MRNIP: variants seen among roughly 807,000 people sequenced by gnomAD.
MRNIP encodes the protein MRN complex-interacting protein.
Under a neutral mutation model 29.8 loss-of-function variants are expected in MRNIP, and 30 were observed. The ratio of observed to expected loss-of-function variants is 1.01; its 90% CI spans 0.75 to 1.36. MRNIP has a LOEUF of 1.36. MRNIP is among the 40% of genes most tolerant of loss of function. The pLI, the probability that MRNIP is intolerant of heterozygous loss-of-function variation, is 0.00. For synonymous variants in MRNIP, 201 were observed against 164.1 expected (o/e 1.23, Z -1.72); for missense variants, 459 against 423.5 (o/e 1.08, Z -0.74).
chr5:179,856,097 G>A (rs148664633), intron 1 of MRNIP, among the ~76,000 whole-genome samples: 69 of 151,780 alleles, frequency 4.5e-4, no homozygotes, highest in African/African-American at 1.5e-3. Flanking sequence ...TAGTAGAGAC[G>A]GGGTTTCACA....
At chr5:179,858,077 T>C (rs780863349) in intron 1 of MRNIP, among the ~76,000 whole-genome samples, 2 of 149,062 alleles carry the variant, frequency 1.3e-5, no homozygotes, top group Non-Finnish European at 3.0e-5. Flanking sequence ...AGATTACCAA[T>C]AATTAGGAGG....
rs185225394 is a variant in MRNIP at position 179,847,600 on chromosome 5, T to C, written c.215+378A>G. ...GTGGAAGTCTAAGGGACTTCTCCAC[T>C]GACCCAGGCCCAGTGGGGTCTGTCC... On this transcript the variant is annotated intron_variant, in intron 3 of 6. Transcript: ENST00000292586. The C allele has an allele frequency of 5.4e-4, 94 of 173,462 alleles. No homozygotes were observed. In the East Asian group the frequency reaches 9.9e-3, roughly 18 times the overall value. 10.7% of individuals were successfully genotyped at this position (173,462 alleles called of 1,614,324 possible). A position where few individuals can be genotyped will look rare whatever the true frequency, so the allele number is the denominator to read the frequency against.
chr5:179,843,059 A>AAGGAAGGGAGGGAGGGAGGGAGGG (rs1230506135), intron 4 of MRNIP, among the ~76,000 whole-genome samples: 3 of 119,892 alleles, frequency 2.5e-5, no homozygotes, highest in Non-Finnish European at 3.5e-5. Context: ...GGAAGGAAGG[A>AAGGAAGGGAGGGAGGGAGGGAGGG]AGGGAGGGAG....
In MRNIP at chr5:179,840,464, G is replaced by C. The variant is rs184642707; in HGVS notation, c.537+408C>G. On this transcript the variant is annotated intron_variant, in intron 6 of 6. Coordinates refer to ENST00000292586, the MANE Select transcript of MRNIP (RefSeq NM_016175.4). Reference sequence around the variant, plus strand: ...TAAGTGAAGAGTGCCTCACATACAAGAGTCCACAGCAGGGCAAATGCGAGT... The same window carrying C: ...TAAGTGAAGAGTGCCTCACATACAACAGTCCACAGCAGGGCAAATGCGAGT... 2.2e-4 allele frequency: 65 copies of C among 288,960 alleles called. 1 individual carries two copies. In the East Asian group the frequency reaches 4.3e-3, roughly 19 times the overall value. The allele number at this position is 288,960 out of a possible 1,614,324, so 17.9% of individuals were successfully genotyped here. A position where few individuals can be genotyped will look rare whatever the true frequency, so the allele number is the denominator to read the frequency against.
chr5:179,850,842 CT>C (rs1759337818), intron 2 of MRNIP, among the ~76,000 whole-genome samples: 1 of 152,178 alleles, frequency 6.6e-6, no homozygotes, highest in African/African-American at 2.4e-5. Context: ...GGCACTGTCA[CT>C]TGCTTCCCAG....
intron 2 of MRNIP, 200 bp downstream of exon 2, chr5:179,853,178 A>G (rs1422033912): frequency 6.7e-7 from 1 of 1,489,820 alleles, no homozygotes; most frequent in South Asian, 1.2e-5. Flanking sequence ...TTGCTGAATG[A>G]AGAATCAAAT....
rs957475101 is a variant in MRNIP, at chr5:179,844,043, C to T, written c.291+109G>A. On this transcript the variant is annotated intron_variant, in intron 4 of 6. Transcript: ENST00000292586. ...CTGCAGCTTTAAGCCAACTGCCTGT[C>T]ATTGGGTGGCATCAACACACATTTG... 7 of 870,278 alleles carry T rather than the reference C, an allele frequency of 8.0e-6. No homozygotes were observed. The African/African-American group carries it at 1.0e-4, about 13-fold the overall frequency. 53.9% of individuals were successfully genotyped at this position (870,278 alleles called of 1,614,324 possible).
At chr5:179,838,654 C>G (rs1254618662) in intron 6 of MRNIP, 1 of 151,658 alleles carries the variant, frequency 6.6e-6, no homozygotes, top group Non-Finnish European at 1.5e-5. Flanking sequence ...CCAGCCTAGG[C>G]AACAGAGCGA....
chr5:179,847,914 C>T, intron 3 of MRNIP, 64 bp downstream of exon 3: 1 of 1,102,044 alleles, frequency 9.1e-7, no homozygotes, highest in Non-Finnish European at 1.4e-6. Flanking sequence ...CCACTGTGTA[C>T]TTCTATTATC....
intron 6 of MRNIP, chr5:179,840,484 G>A: frequency 2.7e-6 from 1 of 364,128 alleles, no homozygotes; most frequent in Non-Finnish European, 5.0e-6. Context: ...CAGGGCAAAT[G>A]CGAGTGTGGA....
chr5:179,844,265 A>G, intron 3 of MRNIP, 38 bp from the exon 4 acceptor site: 1 of 1,567,374 alleles, frequency 6.4e-7, no homozygotes, highest in Non-Finnish European at 8.8e-7. Context: ...TTGAAAAATG[A>G]CCAGGGGCTG....
At chr5:179,854,019 AT>A (rs543395166) in intron 1 of MRNIP, among the ~76,000 whole-genome samples, 47,763 of 121,208 alleles carry the variant, frequency 0.39, 10,288 homozygotes, top group African/African-American at 0.66. Flanking sequence ...GCCTGAAATA[AT>A]TTTTTTTTTT....
chr5:179,842,753 C>T (rs1309745998), intron 4 of MRNIP, among the ~76,000 whole-genome samples: 2 of 142,796 alleles, frequency 1.4e-5, no homozygotes, highest in Non-Finnish European at 3.0e-5. Flanking sequence ...GGAAACATGG[C>T]CAGGCGCGGT....
chr5:179,857,662 GC>G, intron 1 of MRNIP, among the ~76,000 whole-genome samples: 1 of 152,254 alleles, frequency 6.6e-6, no homozygotes, highest in East Asian at 1.9e-4. Context: ...AGCATTAAAT[GC>G]AAGCTTACAG....
At chr5:179,846,279 ATTCT>A (rs1759124855) in intron 3 of MRNIP, 1 of 149,098 alleles carries the variant, frequency 6.7e-6, no homozygotes, top group African/African-American at 2.5e-5. Flanking sequence ...TTCTTTGGGG[ATTCT>A]TTTTTTCTTT....
At chr5:179,841,099 A>G (rs1758865406) in intron 5 of MRNIP, 140 bp from the exon 6 acceptor site, 1 of 613,430 alleles carries the variant, frequency 1.6e-6, no homozygotes, top group Non-Finnish European at 2.9e-6. Flanking sequence ...CAGGGTGTCC[A>G]GCCACCGCCC....
In MRNIP at chr5:179,837,641, TG is replaced by T; in HGVS notation, c.781del (p.Gln261ArgfsTer74). 6.2e-7 allele frequency: 1 copy of T among 1,614,216 alleles called. No homozygotes were observed. The highest frequency in any genetic ancestry group is 8.5e-7 in the Non-Finnish European group (1 of 1,180,038). ...QRDPRPAGPAQAKQGTPRAQA... is the reference protein window; with the variant it reads ...QRDPRPAGPAXAKQGTPRAQA... ...TGCTCTGGGGGTCCCTTGCTTAGCC[TG>T]TGCTGGACCAGCTGGCCTGGGGTCC... On this transcript the variant is annotated frameshift_variant, in exon 7 of 7. Transcript: ENST00000292586. LOFTEE classifies it low-confidence loss of function (END_TRUNC).
At chr5:179,843,037 GGAAA>G (rs1385427460) in intron 4 of MRNIP, among the ~76,000 whole-genome samples, 22 of 78,838 alleles carry the variant, frequency 2.8e-4, no homozygotes, top group Middle Eastern at 5.8e-3. Flanking sequence ...GTCGAAAGGA[GGAAA>G]GAAGGAAGGA....
At chr5:179,855,582 T>A (rs746544080) in intron 1 of MRNIP, among the ~76,000 whole-genome samples, 3 of 152,222 alleles carry the variant, frequency 2.0e-5, no homozygotes, top group Non-Finnish European at 2.9e-5. Flanking sequence ...TTAGAACACA[T>A]AATTGATAAA....
Sources: gnomAD v4.1 joint callset for allele counts (sites outside exome capture counted in the v4.1 genomes callset) on GRCh38, gnomAD v4.1.1 for gene constraint, MANE v1.5 for transcripts, NCBI Gene and HGNC (gene_info 2026-07-23, HGNC 2026-07-21) for gene names.